NXPE2: variants seen among roughly 807,000 people sequenced by gnomAD.
The protein encoded by NXPE2 is NXPE family member 2.
Under a neutral mutation model 34.4 loss-of-function variants are expected in NXPE2, and 34 were observed. That is an observed-to-expected ratio of 0.99 (90% confidence interval 0.75 to 1.31). NXPE2 has a LOEUF of 1.31. Among genes scored for constraint, NXPE2 ranks in the 40% most tolerant of loss-of-function variants. NXPE2 has a pLI of 0.00. For synonymous variants in NXPE2, 235 were observed against 231.3 expected (o/e 1.02, Z -0.15); for missense variants, 649 against 672.5 (o/e 0.97, Z 0.39).
At chr11:114,522,305 A>G in the NXPE2 span, 2 of 1,614,114 alleles carry the variant, frequency 1.2e-6, no homozygotes, top group Non-Finnish European at 1.7e-6. Flanking sequence ...GCCAAAGGTG[A>G]TGACGATGGC....
chr11:114,574,827 C>T, the NXPE2 span, among the ~76,000 whole-genome samples: 1 of 152,066 alleles, frequency 6.6e-6, no homozygotes, highest in African/African-American at 2.4e-5. Flanking sequence ...GGAATCCTCC[C>T]TAAATAATTC....
the NXPE2 span, among the ~76,000 whole-genome samples, chr11:114,480,704 TG>T: frequency 1.3e-5 from 2 of 152,198 alleles, no homozygotes; most frequent in African/African-American, 4.8e-5. Context: ...CAGCGACCGT[TG>T]GTTAAAGTAT....
chr11:114,812,809 C>CAAGAG, the NXPE2 span, among the ~76,000 whole-genome samples: 2 of 151,974 alleles, frequency 1.3e-5, no homozygotes, highest in Non-Finnish European at 2.9e-5. Flanking sequence ...GAGAAGGTGG[C>CAAGAG]AAGAGAAGAG....
chr11:114,804,813 G>A, the NXPE2 span, among the ~76,000 whole-genome samples: 1 of 152,124 alleles, frequency 6.6e-6, no homozygotes, highest in African/African-American at 2.4e-5. Context: ...TGTGGCTGGA[G>A]GAGGAAGACC....
chr11:114,809,173 A>C, the NXPE2 span, among the ~76,000 whole-genome samples: 1 of 152,066 alleles, frequency 6.6e-6, no homozygotes, highest in African/African-American at 2.4e-5. Flanking sequence ...TCAATAAATT[A>C]GGTATTGATG....
chr11:114,735,520 T>C, the NXPE2 span, among the ~76,000 whole-genome samples: 130 of 152,334 alleles, frequency 8.5e-4, no homozygotes, highest in Admixed American at 1.2e-3. Flanking sequence ...ATTATTTCCA[T>C]GTCATAAGAT....
At chr11:114,790,818 A>T in the NXPE2 span, among the ~76,000 whole-genome samples, 1 of 151,512 alleles carries the variant, frequency 6.6e-6, no homozygotes, top group East Asian at 1.9e-4. Context: ...TGCCAACAGA[A>T]CCCATGCTGC....
chr11:114,594,560 C>T, the NXPE2 span: 1 of 738,842 alleles, frequency 1.4e-6, no homozygotes, highest in South Asian at 1.5e-5. Context: ...ATTCAAACTC[C>T]CCTCCTATAA....
At chr11:114,606,517 C>A in the NXPE2 span, among the ~76,000 whole-genome samples, 3 of 151,136 alleles carry the variant, frequency 2.0e-5, no homozygotes, top group Admixed American at 2.0e-4. Flanking sequence ...TCTAGGGTAA[C>A]CACTGTTACC....
the NXPE2 span, among the ~76,000 whole-genome samples, chr11:114,804,366 T>C: frequency 6.6e-6 from 1 of 152,240 alleles, no homozygotes; most frequent in Non-Finnish European, 1.5e-5. Flanking sequence ...TCCAGCTAGA[T>C]TCTATGGTCT....
chr11:114,677,310 A>T (rs1375604394), upstream of NXPE2, among the ~76,000 whole-genome samples: 2 of 152,124 alleles, frequency 1.3e-5, no homozygotes, highest in African/African-American at 4.8e-5. Flanking sequence ...ATGTTAGGTG[A>T]TGGATATGTT....
chr11:114,594,160 A>T, the NXPE2 span, among the ~76,000 whole-genome samples: 1 of 152,124 alleles, frequency 6.6e-6, no homozygotes, highest in Non-Finnish European at 1.5e-5. Context: ...TTTTACATTT[A>T]AAAATAGCTA....
At chr11:114,623,691 G>A in the NXPE2 span, among the ~76,000 whole-genome samples, 1 of 151,968 alleles carries the variant, frequency 6.6e-6, no homozygotes, top group African/African-American at 2.4e-5. Flanking sequence ...ATTGCCTCGT[G>A]GGAAAACAGT....
At chr11:114,471,322 G>A in the NXPE2 span, among the ~76,000 whole-genome samples, 1 of 152,050 alleles carries the variant, frequency 6.6e-6, no homozygotes, top group African/African-American at 2.4e-5. Context: ...TGTGAGGTAT[G>A]AATTGAAGTT....
At chr11:114,774,830 G>C in the NXPE2 span, among the ~76,000 whole-genome samples, 9 of 152,276 alleles carry the variant, frequency 5.9e-5, no homozygotes, top group African/African-American at 2.2e-4. Flanking sequence ...TCTCCAAAGG[G>C]GGCGCTCTAA....
intron 1 of NXPE2, among the ~76,000 whole-genome samples, chr11:114,679,247 CGT>C (rs5794927): frequency 0.87 from 118,324 of 135,906 alleles, 51,793 homozygotes; most frequent in East Asian, 0.92. Flanking sequence ...CATGTGTGTG[CGT>C]GTGTGTGTGT....
the NXPE2 span, among the ~76,000 whole-genome samples, chr11:114,511,501 T>C: frequency 1.3e-5 from 2 of 152,210 alleles, no homozygotes; most frequent in Non-Finnish European, 2.9e-5. Context: ...CAGCCCTGGA[T>C]TGCCTCTGGG....
At chr11:114,655,217 G>T in the NXPE2 span, among the ~76,000 whole-genome samples, 2 of 152,214 alleles carry the variant, frequency 1.3e-5, no homozygotes, top group East Asian at 3.9e-4. Flanking sequence ...GTAAATGCTG[G>T]ATATTAAACC....
the NXPE2 span, among the ~76,000 whole-genome samples, chr11:114,772,385 A>G: frequency 1.1e-4 from 17 of 152,258 alleles, no homozygotes; most frequent in East Asian, 5.8e-4. Flanking sequence ...ATTAAAAAAA[A>G]AAGTTCTGAT....
Sources: allele counts gnomAD v4.1 joint callset (sites outside exome capture counted in the v4.1 genomes callset), GRCh38; gene constraint gnomAD v4.1.1; transcripts MANE v1.5; gene names NCBI Gene and HGNC (gene_info 2026-07-23, HGNC 2026-07-21).